The following DACH2 variants were observed in gnomAD, a reference collection of about 807,000 sequenced individuals.
DACH2 encodes dachshund homolog 2.
DACH2 carries 17 observed loss-of-function variants against 35.8 expected under a neutral mutation model. The observed-to-expected ratio is 0.48, with a 90% CI of 0.33 to 0.71. DACH2 has a LOEUF of 0.71. DACH2 is among the 30% of genes least tolerant of loss of function. DACH2 has a pLI of 0.02. For missense variants in DACH2, 469 were observed against 472.7 expected, an observed-to-expected ratio of 0.99 and a Z score of 0.07; for synonymous variants, 195 against 177.3, an observed-to-expected ratio of 1.10 and a Z score of -0.79.
chrX:86,782,118 A>C (rs2042094750), intron 7 of DACH2, among the ~76,000 whole-genome samples: 1 of 112,047 alleles, frequency 8.9e-6, no homozygotes, highest in Non-Finnish European at 1.9e-5. Context: ...TTCAATGCCT[A>C]GTAATTAACC....
At chrX:86,550,332 A>G (rs943341966) in intron 3 of DACH2, among the ~76,000 whole-genome samples, 6 of 111,308 alleles carry the variant, frequency 5.4e-5, no homozygotes, top group African/African-American at 2.0e-4. Context: ...TTTATGGAAA[A>G]AATTTATTTG....
intron 6 of DACH2, among the ~76,000 whole-genome samples, chrX:86,721,819 G>A (rs764390448): frequency 1.8e-5 from 2 of 111,774 alleles, no homozygotes; most frequent in Non-Finnish European, 3.8e-5. Context: ...TACAATCATG[G>A]CAGAAAGCAG....
chrX:86,662,770 G>A lies in DACH2; in HGVS notation c.772+11603G>A, dbSNP rs1389370570. On this transcript the variant is annotated intron_variant, in intron 4 of 11. Coordinates refer to ENST00000373125, the MANE Select transcript of DACH2 (RefSeq NM_053281.3). ...TCCTTAAGGGAGTTATATCTTCCTA[G>A]ATTTTTTTCTCTTCTCTTCTGGCTT... Among the ~76,000 whole-genome samples the A allele has an allele frequency of 4.5e-5, 5 of 111,589 alleles. No individual in the cohort carries two copies. The East Asian group carries it at 1.4e-3, about 31-fold the overall frequency.
At chrX:86,740,554 A>C (rs918222556) in intron 7 of DACH2, among the ~76,000 whole-genome samples, 2 of 80,971 alleles carry the variant, frequency 2.5e-5, no homozygotes, top group South Asian at 7.6e-4. Flanking sequence ...CTTCCTGTGT[A>C]CATGTGTTCT....
intron 7 of DACH2, chrX:86,742,563 C>T (rs1207727187): frequency 1.7e-5 from 3 of 174,513 alleles, no homozygotes; most frequent in Non-Finnish European, 3.3e-5. Flanking sequence ...ACATTATATT[C>T]GTCATTCGTG....
At chrX:86,619,136 C>T (rs939743434) in intron 3 of DACH2, among the ~76,000 whole-genome samples, 1 of 111,576 alleles carries the variant, frequency 9.0e-6, no homozygotes. Context: ...AGCCAAGATC[C>T]TATAATTATT....
At chrX:86,740,041 C>T (rs1459386612) in intron 7 of DACH2, among the ~76,000 whole-genome samples, 159 bp downstream of exon 7, 2 of 111,959 alleles carry the variant, frequency 1.8e-5, no homozygotes, top group Non-Finnish European at 3.8e-5. Flanking sequence ...AACAATATGA[C>T]TAACAAAATG....
intron 4 of DACH2, among the ~76,000 whole-genome samples, chrX:86,692,488 A>G (rs1469484032): frequency 8.9e-6 from 1 of 112,032 alleles, no homozygotes; most frequent in Non-Finnish European, 1.9e-5. Context: ...CTTTGATAAG[A>G]TTTTAAAAAC....
At chrX:86,640,012 G>C (rs1460326359) in intron 3 of DACH2, among the ~76,000 whole-genome samples, 3 of 111,477 alleles carry the variant, frequency 2.7e-5, no homozygotes, top group South Asian at 3.8e-4. Flanking sequence ...CATCTTTGCT[G>C]TTTTGCATCC....
At chrX:86,706,417 G>A (rs1186743684) in intron 5 of DACH2, among the ~76,000 whole-genome samples, 1 of 110,857 alleles carries the variant, frequency 9.0e-6, no homozygotes, top group Non-Finnish European at 1.9e-5. Context: ...TAGTATAGTG[G>A]TATTTGTAAA....
At chrX:86,229,895 C>T (rs2032911847) in intron 1 of DACH2, among the ~76,000 whole-genome samples, 2 of 110,505 alleles carry the variant, frequency 1.8e-5, no homozygotes, top group African/African-American at 3.3e-5. Context: ...TCAAGGTAAA[C>T]AATCATATTG....
At chrX:86,396,685 G>A (rs1320264708) in intron 2 of DACH2, among the ~76,000 whole-genome samples, 1 of 111,187 alleles carries the variant, frequency 9.0e-6, no homozygotes, top group African/African-American at 3.3e-5. Context: ...GTTTGTCAAA[G>A]ATCAGATAGT....
intron 7 of DACH2, among the ~76,000 whole-genome samples, chrX:86,784,011 C>T (rs763856786): frequency 8.1e-5 from 9 of 110,547 alleles, no homozygotes; most frequent in Admixed American, 5.8e-4. Flanking sequence ...GTTTGTAACT[C>T]GAAGGGTAAG....
chrX:86,483,323 C>G (rs1602570189), intron 2 of DACH2, among the ~76,000 whole-genome samples: 1 of 110,663 alleles, frequency 9.0e-6, no homozygotes. Context: ...AATCATTGAT[C>G]TATGCGGGAG....
At chrX:86,582,725 C>A (rs181694228) in intron 3 of DACH2, among the ~76,000 whole-genome samples, 25 of 110,182 alleles carry the variant, frequency 2.3e-4, no homozygotes, top group African/African-American at 8.2e-4. Context: ...AATAAAAAGC[C>A]TACCAACCGG....
At chrX:86,728,448 G>T (rs2041495800) in intron 6 of DACH2, among the ~76,000 whole-genome samples, 1 of 112,697 alleles carries the variant, frequency 8.9e-6, no homozygotes, top group African/African-American at 3.2e-5. Flanking sequence ...TTTTGGGAGA[G>T]AAATAAAAGC....
intron 1 of DACH2, among the ~76,000 whole-genome samples, chrX:86,330,553 A>G (rs764582911): frequency 1.4e-4 from 16 of 111,806 alleles, no homozygotes; most frequent in Middle Eastern, 4.7e-3. Context: ...CTGTCTTAGA[A>G]TGTGCTTGGA....
chrX:86,595,171 G>A (rs1014321541), intron 3 of DACH2, among the ~76,000 whole-genome samples: 26 of 111,267 alleles, frequency 2.3e-4, no homozygotes, highest in African/African-American at 8.5e-4. Flanking sequence ...CAGCTGCAGT[G>A]CAGTGGCATG....
At chrX:86,610,362 C>T (rs865863136) in intron 3 of DACH2, among the ~76,000 whole-genome samples, 1 of 75,645 alleles carries the variant, frequency 1.3e-5, no homozygotes, top group East Asian at 5.4e-4. Context: ...TTCCTTCCTT[C>T]CTCTTTCTTT....
Sources: gnomAD v4.1 joint callset for allele counts (sites outside exome capture counted in the v4.1 genomes callset) on GRCh38, gnomAD v4.1.1 for gene constraint, MANE v1.5 for transcripts, NCBI Gene and HGNC (gene_info 2026-07-23, HGNC 2026-07-21) for gene names.